Variants in CHRM5 observed in about 807,000 individuals in gnomAD.
The protein encoded by CHRM5 is cholinergic receptor muscarinic 5.
CHRM5 carries 18 observed loss-of-function variants against 39.0 expected under a neutral mutation model. The observed-to-expected ratio is 0.46, with a 90% confidence interval of 0.32 to 0.68. CHRM5 has a LOEUF of 0.68. Among genes scored for constraint, CHRM5 ranks in the 30% least tolerant of loss-of-function variants. The pLI, the probability that CHRM5 is intolerant of heterozygous loss-of-function variation, is 0.04. For synonymous variants in CHRM5, 241 were observed against 246.3 expected, an observed-to-expected ratio of 0.98 and a Z score of 0.20; for missense variants, 515 against 651.1, an observed-to-expected ratio of 0.79 and a Z score of 2.28.
rs1899011260 is a variant in CHRM5 at position 34,034,311 on chromosome 15, C to G, written c.-407-12229C>G. On this transcript the variant is annotated intron_variant, in intron 1 of 2. Coordinates refer to ENST00000383263, the MANE Select transcript of CHRM5 (RefSeq NM_012125.4). ...AAAATATTAGTTGGGTATGGTGGTT[C>G]ACGCCTGTACTCCCACCTACTCAGG... Among the ~76,000 whole-genome samples, 5 of 152,014 alleles carry G rather than the reference C, an allele frequency of 3.3e-5. No homozygotes were observed. The South Asian group carries it at 1.0e-3, about 32-fold the overall frequency.
intron 1 of CHRM5, among the ~76,000 whole-genome samples, chr15:34,027,333 G>A (rs1412060536): frequency 6.6e-6 from 1 of 151,898 alleles, no homozygotes. Context: ...TGGCCAACAT[G>A]GCGAAACTCT....
At chr15:34,027,665 C>A (rs909720313) in intron 1 of CHRM5, among the ~76,000 whole-genome samples, 1 of 152,064 alleles carries the variant, frequency 6.6e-6, no homozygotes, top group South Asian at 2.1e-4. Flanking sequence ...ATTTGACCTC[C>A]CTGACAGCTC....
At chr15:33,996,790 G>C (rs558290882) in intron 1 of CHRM5, among the ~76,000 whole-genome samples, 1 of 152,174 alleles carries the variant, frequency 6.6e-6, no homozygotes, top group Admixed American at 6.5e-5. Flanking sequence ...AAACCAGAGC[G>C]CCTCTTGTCC....
intron 1 of CHRM5, chr15:34,038,799 C>G: frequency 8.4e-7 from 1 of 1,192,836 alleles, no homozygotes; most frequent in Non-Finnish European, 1.0e-6. Context: ...GGCCCCTGCG[C>G]CCCAGCCTCC....
At chr15:34,044,368 A>G (rs993547297) in intron 1 of CHRM5, among the ~76,000 whole-genome samples, 2 of 152,218 alleles carry the variant, frequency 1.3e-5, no homozygotes, top group African/African-American at 2.4e-5. Flanking sequence ...CTCATTTGAT[A>G]CAGTTGATTA....
chr15:34,053,319 A>AAAAAAAATATATATATATAT (rs775436850), intron 2 of CHRM5, among the ~76,000 whole-genome samples: 3 of 42,064 alleles, frequency 7.1e-5, no homozygotes, highest in African/African-American at 2.4e-4. Flanking sequence ...AAAAAAAAAA[A>AAAAAAAATATATATATATAT]ATATATATAT....
At chr15:33,999,916 A>G (rs538345797) in intron 1 of CHRM5, among the ~76,000 whole-genome samples, 13 of 152,296 alleles carry the variant, frequency 8.5e-5, no homozygotes, top group African/African-American at 2.9e-4. Context: ...GAATAAAAGA[A>G]AACATCTTTA....
chr15:33,974,886 C>A lies in CHRM5; in HGVS notation c.-408+5736C>A, dbSNP rs147298846. 1.0e-3 allele frequency among the ~76,000 whole-genome samples: 154 copies of A among 152,246 alleles called. 2 individuals carry two copies. In the East Asian group the frequency reaches 0.016, roughly 16 times the overall value. On this transcript the variant is annotated intron_variant, in intron 1 of 2. Coordinates refer to ENST00000383263, the MANE Select transcript of CHRM5 (RefSeq NM_012125.4). ...TACTTGGAGGCTGGGGCCGGAGAAT[C>A]GCTTGAACCCAGGAGGTGGAGCTTG...
chr15:34,035,273 C>T (rs1899062860), intron 1 of CHRM5, among the ~76,000 whole-genome samples: 2 of 152,056 alleles, frequency 1.3e-5, no homozygotes, highest in South Asian at 4.1e-4. Flanking sequence ...ATATGAAAAG[C>T]TGCAATATAA....
At chr15:34,017,473 A>ATTTTTTTTTTGTTTTTT (rs1284525085) in intron 1 of CHRM5, among the ~76,000 whole-genome samples, 1 of 101,452 alleles carries the variant, frequency 9.9e-6, no homozygotes, top group African/African-American at 3.5e-5. Flanking sequence ...TTTCAGTATG[A>ATTTTTTTTTTGTTTTTT]TTTTTTTTTT....
At chr15:34,012,033 T>TA in intron 1 of CHRM5, among the ~76,000 whole-genome samples, 1 of 152,284 alleles carries the variant, frequency 6.6e-6, no homozygotes, top group Non-Finnish European at 1.5e-5. Flanking sequence ...TTATCTGCTT[T>TA]AAAAAATGAG....
chr15:33,984,446 A>C (rs1896332553), intron 1 of CHRM5, among the ~76,000 whole-genome samples: 1 of 151,578 alleles, frequency 6.6e-6, no homozygotes, highest in Non-Finnish European at 1.5e-5. Context: ...CTTGTTGCTC[A>C]GGCTGGAGTG....
intron 2 of CHRM5, among the ~76,000 whole-genome samples, chr15:34,054,056 C>T (rs572537432): frequency 1.3e-3 from 198 of 151,950 alleles, no homozygotes; most frequent in Non-Finnish European, 2.4e-3. Flanking sequence ...GACATACATG[C>T]GGCCAAAAAA....
intron 1 of CHRM5, among the ~76,000 whole-genome samples, chr15:34,014,367 T>TAAA (rs1171463772): frequency 0.041 from 551 of 13,526 alleles, 108 homozygotes; most frequent in African/African-American, 0.08. Context: ...TCCATCTCAT[T>TAAA]AAAAAAAAAA....
At chr15:34,055,873 C>T (rs1023897268) in intron 2 of CHRM5, among the ~76,000 whole-genome samples, 2 of 152,104 alleles carry the variant, frequency 1.3e-5, no homozygotes, top group Admixed American at 1.3e-4. Context: ...CACCCTTCTA[C>T]AATTTAACAA....
At chr15:33,997,197 T>C (rs1371711254) in intron 1 of CHRM5, among the ~76,000 whole-genome samples, 2 of 152,054 alleles carry the variant, frequency 1.3e-5, no homozygotes, top group Non-Finnish European at 2.9e-5. Context: ...AATTGATAAA[T>C]TCAACTAAAA....
Position 34,065,685 on chromosome 15 carries a change from A to T in CHRM5, c.*1369A>T, listed in dbSNP as rs923340260. 6.6e-6 allele frequency: 1 copy of T among 152,194 alleles called. No homozygotes were observed. The highest frequency in any genetic ancestry group is 2.4e-5 in the African/African-American group (1 of 41,454). The allele number at this position is 152,194 out of a possible 1,614,324, so 9.4% of individuals were successfully genotyped here. On this transcript the variant is annotated 3_prime_UTR_variant, in exon 3 of 3. Transcript: ENST00000383263. ...TGACATGCATGACAGCATGAGGATTATTAAAAACCACACTTAATTGAAATC... is the reference window on the plus strand; with the variant it reads ...TGACATGCATGACAGCATGAGGATTTTTAAAAACCACACTTAATTGAAATC...
intron 2 of CHRM5, among the ~76,000 whole-genome samples, chr15:34,053,750 G>A (rs1453217763): frequency 5.3e-5 from 8 of 152,004 alleles, no homozygotes; most frequent in South Asian, 4.1e-4. Context: ...AGGCAATACC[G>A]TTCAGGACAT....
intron 1 of CHRM5, among the ~76,000 whole-genome samples, chr15:34,019,941 G>C (rs1898126973): frequency 6.6e-6 from 1 of 152,152 alleles, no homozygotes; most frequent in African/African-American, 2.4e-5. Flanking sequence ...CAGTTCTTTT[G>C]TATGCAATTA....
Sources: gnomAD v4.1 joint callset for allele counts (sites outside exome capture counted in the v4.1 genomes callset) on GRCh38, gnomAD v4.1.1 for gene constraint, MANE v1.5 for transcripts, NCBI Gene and HGNC (gene_info 2026-07-23, HGNC 2026-07-21) for gene names.